Variants in ARSH observed in about 807,000 individuals in gnomAD.
The protein encoded by ARSH is arylsulfatase family member H, also known as arylsulfatase H.
ARSH carries 32 observed loss-of-function variants against 28.7 expected under a neutral mutation model. That is an observed-to-expected ratio of 1.11 (90% CI 0.84 to 1.50). The LOEUF (loss-of-function observed/expected upper bound fraction) is 1.50. ARSH is among the 40% of genes most tolerant of loss of function. The pLI is 0.00. For missense variants in ARSH, 440 were observed against 452.4 expected (o/e 0.97, Z 0.25); for synonymous variants, 176 against 177.3 (o/e 0.99, Z 0.06).
intron 6 of ARSH, among the ~76,000 whole-genome samples, chrX:3,025,393 ATATAT>A (rs1453353695): frequency 9.5e-6 from 1 of 105,476 alleles, no homozygotes; most frequent in African/African-American, 3.4e-5. Context: ...ATATAATATA[ATATAT>A]AATACTATAT....
intron 6 of ARSH, among the ~76,000 whole-genome samples, chrX:3,024,529 G>A (rs989678334): frequency 1.9e-4 from 21 of 110,584 alleles, no homozygotes; most frequent in Non-Finnish European, 2.1e-4. Flanking sequence ...AGCACCCACC[G>A]CAGAGCAGCA....
In ARSH at chrX:3,010,074, C is replaced by G; in HGVS notation, c.137C>G (p.Thr46Ser). ...DRLASEGVRL[T>S]QHLAAASMCT... is the part of the protein sequence containing the mutation. Reference sequence around the variant, plus strand: ...CTGGCAAGTGAAGGAGTGAGGCTTACCCAGCATCTCGCAGCTGCTTCCATG... The same window carrying G: ...CTGGCAAGTGAAGGAGTGAGGCTTAGCCAGCATCTCGCAGCTGCTTCCATG... Residue 46 changes from threonine to serine, a missense_variant, in exon 2 of 9, where the codon ACC becomes AGC. Transcript: ENST00000381130. 8.3e-7 allele frequency: 1 copy of G among 1,211,124 alleles called. No homozygotes were observed. The highest frequency in any genetic ancestry group is 1.1e-6 in the Non-Finnish European group (1 of 895,094).
intron 1 of ARSH, among the ~76,000 whole-genome samples, chrX:3,009,721 T>C (rs993520045): frequency 1.8e-5 from 2 of 111,352 alleles, no homozygotes; most frequent in Non-Finnish European, 1.9e-5. Flanking sequence ...TTTAGGTCCT[T>C]GATAAGAAGA....
rs751076819 is a variant in ARSH at position 3,027,354 on chromosome X, C to T, written c.1078C>T (p.Pro360Ser). Residue 360 changes from proline to serine, a missense_variant, in exon 7 of 9, where the codon CCA becomes TCA. Pro to Ser is a moderately conservative substitution (Grantham distance 74). Coordinates refer to ENST00000381130, the MANE Select transcript of ARSH (RefSeq NM_001011719.2). ...AGGATGGGAAGGAGGTATCCGTGTG[C>T]CAGGGATATTCCGGTGGCCGTCAGT... ...MGGWEGGIRV[P>S]GIFRWPSVLE... is the part of the protein sequence containing the mutation. 8.3e-7 allele frequency: 1 copy of T among 1,210,865 alleles called. No individual in the cohort carries two copies. The highest frequency in any genetic ancestry group is 2.2e-5 in the Admixed American group (1 of 45,959).
chrX:3,009,402 C>T (rs886347949), intron 1 of ARSH, among the ~76,000 whole-genome samples: 2 of 110,617 alleles, frequency 1.8e-5, no homozygotes, highest in African/African-American at 6.6e-5. Flanking sequence ...AATTGGGAGG[C>T]AGAGGTTGCA....
intron 1 of ARSH, among the ~76,000 whole-genome samples, chrX:3,007,699 T>G (rs1165084736): frequency 9.3e-6 from 1 of 107,444 alleles, no homozygotes; most frequent in Non-Finnish European, 1.9e-5. Context: ...TCTTAGTCTA[T>G]TTCAGGCTGC....
intron 2 of ARSH, among the ~76,000 whole-genome samples, chrX:3,012,441 G>A (rs1186681841): frequency 1.6e-4 from 15 of 96,349 alleles, no homozygotes; most frequent in Admixed American, 1.1e-3. Flanking sequence ...CTAGGGAGGC[G>A]GAGGCACGAG....
intron 4 of ARSH, 99 bp from the exon 5 acceptor site, chrX:3,018,435 A>C: frequency 2.2e-6 from 2 of 904,619 alleles, no homozygotes; most frequent in Non-Finnish European, 3.1e-6. Flanking sequence ...AACCTCCGCC[A>C]GCTATTATGA....
At chrX:3,012,582 T>TATATATATATATATA (rs1555914109) in intron 2 of ARSH, among the ~76,000 whole-genome samples, 28 of 18,953 alleles carry the variant, frequency 1.5e-3, no homozygotes, top group Non-Finnish European at 2.2e-3. Context: ...TATATATATA[T>TATATATATATATATA]ATATATATAT....
At chrX:3,009,842 TTA>T (rs779637496) in intron 1 of ARSH, among the ~76,000 whole-genome samples, 186 bp from the exon 2 acceptor site, 1 of 112,169 alleles carries the variant, frequency 8.9e-6, no homozygotes, top group African/African-American at 3.2e-5. Context: ...TATTTTAAAC[TTA>T]TGTTTCCATT....
chrX:3,018,533 G>A lies in ARSH; in HGVS notation c.765-1G>A. 8.3e-7 allele frequency: 1 copy of A among 1,207,906 alleles called. No individual in the cohort carries two copies. Among genetic ancestry groups the A allele is most frequent in the Non-Finnish European group, 1.1e-6 (1 of 893,598 alleles). On this transcript the variant is annotated splice_acceptor_variant, in intron 4 of 8. Transcript: ENST00000381130. LOFTEE classifies it high-confidence loss of function. Reference sequence around the variant, plus strand: ...AATTTTGGTAACTTTCTACCCCTTAGGTACAAAAGGGAACCTTTTCTCCTC... The same window carrying A: ...AATTTTGGTAACTTTCTACCCCTTAAGTACAAAAGGGAACCTTTTCTCCTC...
chrX:3,020,859 C>T (rs2089881935), intron 5 of ARSH, among the ~76,000 whole-genome samples: 1 of 109,939 alleles, frequency 9.1e-6, no homozygotes. Flanking sequence ...TTTATTTGCA[C>T]GGTATAAATT....
At chrX:3,020,274 CAAAAAAAA>C (rs59713321) in intron 5 of ARSH, among the ~76,000 whole-genome samples, 5 of 13,837 alleles carry the variant, frequency 3.6e-4, no homozygotes, top group African/African-American at 4.5e-4. Context: ...GACCCCGTCT[CAAAAAAAA>C]AAAAAAAAAA....
chrX:3,030,912 G>A (rs1467921750), intron 8 of ARSH, among the ~76,000 whole-genome samples: 1 of 110,365 alleles, frequency 9.1e-6, no homozygotes, highest in Admixed American at 9.8e-5. Context: ...CACTTCAGGA[G>A]GCCAAGGTAG....
In ARSH at chrX:3,015,506, C is replaced by T. The variant is rs1278050455; in HGVS notation, c.764+113C>T. The T allele has an allele frequency of 2.1e-5, 16 of 756,522 alleles. 1 individual carries two copies. The highest frequency in any genetic ancestry group is 1.1e-4 in the South Asian group (4 of 34,833). The allele number at this position is 756,522 out of a possible 1,213,427, so 62.3% of individuals were successfully genotyped here. ...TTAAAAGTCTCTTGGAGAGAATGTG[C>T]GGCATTTGGCTTTCTGTTCCTGTAT... On this transcript the variant is annotated intron_variant, in intron 4 of 8. Coordinates refer to ENST00000381130, the MANE Select transcript of ARSH (RefSeq NM_001011719.2).
rs149218715 is a variant in ARSH at position 3,029,256 on chromosome X, C to T, written c.1209C>T (p.Asp403=). 46 of 1,206,952 alleles carry T rather than the reference C, an allele frequency of 3.8e-5. No individual in the cohort carries two copies. Among genetic ancestry groups the T allele is most frequent in the East Asian group, 8.9e-5 (3 of 33,654 alleles). ...GGILSQDRVI[D]GQNLMPLLEG... ...CCCCTTCTCTCCCAAGAGTGATTGA[C>T]GGCCAGAACCTAATGCCCCTGCTGG... Residue 403 remains aspartate (D), a synonymous_variant, in exon 8 of 9, where the codon GAC becomes GAT. Coordinates refer to ENST00000381130, the MANE Select transcript of ARSH (RefSeq NM_001011719.2).
At chrX:3,008,510 T>A (rs868188859) in intron 1 of ARSH, among the ~76,000 whole-genome samples, 1 of 88,291 alleles carries the variant, frequency 1.1e-5, no homozygotes, top group Non-Finnish European at 2.3e-5. Context: ...TCTTTCTTTC[T>A]TTCTTCCCTT....
At chrX:3,019,873 G>C (rs1603463436) in intron 5 of ARSH, among the ~76,000 whole-genome samples, 1 of 111,272 alleles carries the variant, frequency 9.0e-6, no homozygotes, top group Non-Finnish European at 1.9e-5. Flanking sequence ...ATAGGACAAA[G>C]AGGGGAATCT....
chrX:3,025,409 A>G (rs1456413745), intron 6 of ARSH, among the ~76,000 whole-genome samples: 1 of 105,860 alleles, frequency 9.4e-6, no homozygotes, highest in African/African-American at 3.4e-5. Flanking sequence ...AATACTATAT[A>G]TATTTACTAT....
Sources: allele counts gnomAD v4.1 joint callset (sites outside exome capture counted in the v4.1 genomes callset), GRCh38; gene constraint gnomAD v4.1.1; transcripts MANE v1.5; gene names NCBI Gene and HGNC (gene_info 2026-07-23, HGNC 2026-07-21).